Variants in NRG1 observed in about 807,000 individuals in gnomAD.
NRG1 encodes pro-neuregulin-1, membrane-bound isoform.
Under a neutral mutation model 63.8 loss-of-function variants are expected in NRG1, and 18 were observed. The ratio of observed to expected loss-of-function variants is 0.28; its 90% confidence interval spans 0.19 to 0.42. The LOEUF (loss-of-function observed/expected upper bound fraction) is 0.42. Ranked by LOEUF, NRG1 falls within the 10% of genes least tolerant of loss-of-function variation. NRG1 has a pLI of 1.00. For missense variants in NRG1, 762 were observed against 814.7 expected (o/e 0.94, Z 0.79); for synonymous variants, 302 against 301.3 (o/e 1.00, Z -0.02).
chr8:32,019,314 G>A (rs1431361154), intron 1 of NRG1, among the ~76,000 whole-genome samples: 2 of 152,164 alleles, frequency 1.3e-5, no homozygotes, highest in African/African-American at 4.8e-5. Context: ...TAGCCAGGAT[G>A]GTCTCAATCT....
intron 1 of NRG1, among the ~76,000 whole-genome samples, chr8:31,746,941 G>T (rs1278817193): frequency 6.6e-6 from 1 of 151,918 alleles, no homozygotes; most frequent in Non-Finnish European, 1.5e-5. Flanking sequence ...TTACTTATTT[G>T]TGGAATCTTA....
At chr8:32,540,274 A>G (rs1832451415) in intron 1 of NRG1, among the ~76,000 whole-genome samples, 1 of 152,176 alleles carries the variant, frequency 6.6e-6, no homozygotes, top group African/African-American at 2.4e-5. Flanking sequence ...GAAAATATAT[A>G]TTAAATTCTT....
rs200975927 is a variant in NRG1, at chr8:32,666,342, TAGA to T, written c.502+49465_502+49467del. Among the ~76,000 whole-genome samples the T allele has an allele frequency of 8.3e-3, 1,261 of 152,290 alleles. 7 individuals carry two copies. The highest frequency in any genetic ancestry group is 0.024 in the Middle Eastern group (7 of 294). ...ACCCTGCCCTATGAGGCCCTCCTTG[TAGA>T]AGAAGAAATGGAACTGAACCAATAA... On this transcript the variant is annotated intron_variant, in intron 5 of 11. Coordinates refer to ENST00000356819, the Ensembl canonical transcript of NRG1.
At chr8:32,755,852 C>G (rs756692303) in intron 8 of NRG1, among the ~76,000 whole-genome samples, 1 of 152,036 alleles carries the variant, frequency 6.6e-6, no homozygotes, top group Non-Finnish European at 1.5e-5. Context: ...AAGTGATGCT[C>G]ATGCCTCAGC....
chr8:32,124,751 C>T (rs534029412), intron 1 of NRG1, among the ~76,000 whole-genome samples: 6 of 151,926 alleles, frequency 3.9e-5, no homozygotes, highest in African/African-American at 1.4e-4. Context: ...CTCAGTGTTT[C>T]AAAGGCAACA....
chr8:31,653,835 T>C (rs551731056), intron 1 of NRG1, among the ~76,000 whole-genome samples: 1 of 152,342 alleles, frequency 6.6e-6, no homozygotes, highest in South Asian at 2.1e-4. Context: ...ACTCTGTCTC[T>C]CCCTGGCATG....
intron 1 of NRG1, among the ~76,000 whole-genome samples, chr8:32,304,374 A>G (rs1855959082): frequency 6.6e-6 from 1 of 152,218 alleles, no homozygotes; most frequent in Admixed American, 6.5e-5. Context: ...TAAAGCTCAA[A>G]TATTATAAAA....
intron 5 of NRG1, among the ~76,000 whole-genome samples, chr8:32,663,630 A>G (rs571895189): frequency 1.3e-5 from 2 of 152,150 alleles, no homozygotes; most frequent in Non-Finnish European, 2.9e-5. Flanking sequence ...TCCACATATT[A>G]TATCTTCTCT....
chr8:31,735,225 A>G lies in NRG1; in HGVS notation c.37+95794A>G, dbSNP rs114995585. On this transcript the variant is annotated intron_variant, in intron 1 of 10. Coordinates refer to the NRG1 transcript ENST00000519301. ...CTCCACACACCCACTACTTACTCCT[A>G]AAACAATTTTTTCTAAGCCAAAAGT... Among the ~76,000 whole-genome samples, 422 of 152,290 alleles carry G rather than the reference A, an allele frequency of 2.8e-3. 1 individual carries two copies. The highest frequency in any genetic ancestry group is 9.7e-3 in the African/African-American group (405 of 41,572).
intron 1 of NRG1, among the ~76,000 whole-genome samples, chr8:32,467,587 T>C (rs1823230244): frequency 2.0e-5 from 3 of 152,200 alleles, no homozygotes; most frequent in Admixed American, 2.0e-4. Flanking sequence ...CAAAAAGCAT[T>C]CACTGAGTTC....
intron 1 of NRG1, among the ~76,000 whole-genome samples, chr8:32,011,904 A>C (rs1001194492): frequency 1.3e-5 from 2 of 152,134 alleles, no homozygotes; most frequent in East Asian, 3.9e-4. Context: ...AAACCCTGAC[A>C]GTCAGTGGCA....
At chr8:32,732,615 A>G (rs900143400) in intron 6 of NRG1, among the ~76,000 whole-genome samples, 4 of 152,058 alleles carry the variant, frequency 2.6e-5, no homozygotes, top group African/African-American at 9.7e-5. Flanking sequence ...ATGTTCTCCA[A>G]ATTTCTTCCC....
At chr8:32,089,017 A>T (rs1406745513) in intron 1 of NRG1, among the ~76,000 whole-genome samples, 1 of 152,174 alleles carries the variant, frequency 6.6e-6, no homozygotes, top group East Asian at 1.9e-4. Flanking sequence ...ATGAAAACAG[A>T]TGCTAGGTCC....
chr8:32,646,882 G>A (rs7825588), intron 5 of NRG1: 109,852 of 984,474 alleles, frequency 0.11, 6,286 homozygotes, highest in Middle Eastern at 0.16. Flanking sequence ...GGTAGAGAGC[G>A]GGGAGTGGGG....
intron 1 of NRG1, among the ~76,000 whole-genome samples, chr8:32,295,810 A>G (rs1338530741): frequency 1.3e-5 from 2 of 151,888 alleles, no homozygotes; most frequent in Non-Finnish European, 2.9e-5. Context: ...TTAGCCAGGC[A>G]GGGTGGCAGG....
intron 1 of NRG1, among the ~76,000 whole-genome samples, chr8:32,324,769 A>G (rs998078078): frequency 6.6e-6 from 1 of 152,170 alleles, no homozygotes; most frequent in East Asian, 1.9e-4. Context: ...CTTCCTAGCC[A>G]TTATTTATTA....
chr8:31,989,249 G>A (rs2129632249), intron 1 of NRG1, among the ~76,000 whole-genome samples: 1 of 190 alleles, frequency 5.3e-3, no homozygotes, highest in Non-Finnish European at 0.011. Flanking sequence ...GAGAGACTCT[G>A]TCTCAAAAAA....
chr8:32,350,029 A>T (rs1362848904), intron 1 of NRG1, among the ~76,000 whole-genome samples: 1 of 152,150 alleles, frequency 6.6e-6, no homozygotes, highest in Non-Finnish European at 1.5e-5. Context: ...AAACATTCCA[A>T]CACAGAGAAA....
intron 1 of NRG1, among the ~76,000 whole-genome samples, chr8:31,983,477 T>C (rs1809515546): frequency 1.3e-5 from 2 of 151,974 alleles, no homozygotes; most frequent in African/African-American, 4.8e-5. Context: ...CCTCCCAGGT[T>C]CAAGTGATCC....
Sources: allele counts gnomAD v4.1 joint callset (sites outside exome capture counted in the v4.1 genomes callset), GRCh38; gene constraint gnomAD v4.1.1; transcripts MANE v1.5; gene names NCBI Gene and HGNC (gene_info 2026-07-23, HGNC 2026-07-21).